Variants in TRAK1 observed in about 807,000 individuals in gnomAD.
The protein encoded by TRAK1 is trafficking kinesin-binding protein 1.
Under a neutral mutation model 92.1 loss-of-function variants are expected in TRAK1, and 33 were observed. That is an observed-to-expected ratio of 0.36 (90% CI 0.27 to 0.48). TRAK1 has a LOEUF of 0.48. Among genes scored for constraint, TRAK1 ranks in the 20% least tolerant of loss-of-function variants. The pLI, the probability that TRAK1 is intolerant of heterozygous loss-of-function variation, is 0.99. For synonymous variants in TRAK1, 521 were observed against 517.3 expected (o/e 1.01, Z -0.10); for missense variants, 1,123 against 1,257.9 (o/e 0.89, Z 1.62).
At chr3:42,212,270 TC>T in intron 14 of TRAK1, 1 of 985,402 alleles carries the variant, frequency 1.0e-6, no homozygotes, top group Non-Finnish European at 1.2e-6. Flanking sequence ...TAATCCGTCC[TC>T]TACGCTTGGG....
intron 1 of TRAK1, among the ~76,000 whole-genome samples, chr3:42,104,077 C>T (rs145740031): frequency 0.014 from 2,116 of 152,286 alleles, 44 homozygotes; most frequent in African/African-American, 0.048. Flanking sequence ...ACTGCTAGCA[C>T]AGCAGTCTGA....
chr3:42,156,873 G>A (rs1349922249), intron 2 of TRAK1, among the ~76,000 whole-genome samples: 2 of 152,172 alleles, frequency 1.3e-5, no homozygotes, highest in African/African-American at 4.8e-5. Flanking sequence ...ATGGGGGCCG[G>A]GTTCTGTGGC....
intron 1 of TRAK1, among the ~76,000 whole-genome samples, chr3:42,095,765 A>G (rs757279925): frequency 2.0e-5 from 3 of 152,016 alleles, no homozygotes; most frequent in Non-Finnish European, 4.4e-5. Flanking sequence ...TAATTAAACC[A>G]GGCTGTGGTC....
intron 2 of TRAK1, among the ~76,000 whole-genome samples, chr3:42,171,854 G>T (rs1702599452): frequency 1.3e-5 from 2 of 152,118 alleles, no homozygotes; most frequent in South Asian, 4.1e-4. Flanking sequence ...GATGCTGGAA[G>T]ATGGGTGCCA....
At chr3:42,156,248 C>T (rs1158213516) in intron 2 of TRAK1, among the ~76,000 whole-genome samples, 1 of 152,218 alleles carries the variant, frequency 6.6e-6, no homozygotes, top group Non-Finnish European at 1.5e-5. Context: ...TGCCCTTTGG[C>T]CCATCTCTGC....
At chr3:42,014,706 T>G (rs147249646) in intron 1 of TRAK1, among the ~76,000 whole-genome samples, 385 of 152,336 alleles carry the variant, frequency 2.5e-3, no homozygotes, top group African/African-American at 9.0e-3. Context: ...CCCCTTCCGC[T>G]TTAAGCTTGC....
intron 1 of TRAK1, among the ~76,000 whole-genome samples, chr3:42,055,994 TGTA>T (rs1703190838): frequency 6.6e-6 from 1 of 152,242 alleles, no homozygotes; most frequent in Non-Finnish European, 1.5e-5. Flanking sequence ...TCACCCATGT[TGTA>T]GTAGGTATCA....
At chr3:42,109,189 G>C (rs1708002224) in intron 1 of TRAK1, among the ~76,000 whole-genome samples, 1 of 152,294 alleles carries the variant, frequency 6.6e-6, no homozygotes, top group African/African-American at 2.4e-5. Flanking sequence ...GATTAAATGA[G>C]TTAATGGATG....
At chr3:42,219,664 C>G in intron 15 of TRAK1, 68 bp downstream of exon 15, 1 of 1,579,910 alleles carries the variant, frequency 6.3e-7, no homozygotes, top group Non-Finnish European at 8.7e-7. Context: ...CCCTGCAAGG[C>G]TTAATGTTGA....
intron 1 of TRAK1, among the ~76,000 whole-genome samples, chr3:42,036,791 C>T (rs1454564281): frequency 6.6e-6 from 1 of 152,144 alleles, no homozygotes; most frequent in Admixed American, 6.5e-5. Flanking sequence ...CGCTCTGTCA[C>T]CCAGCTGGAG....
At chr3:42,035,937 C>T (rs551266253) in intron 1 of TRAK1, among the ~76,000 whole-genome samples, 13 of 152,370 alleles carry the variant, frequency 8.5e-5, no homozygotes, top group African/African-American at 2.9e-4. Flanking sequence ...CTGGCAGCTC[C>T]AGCTTGTGCT....
intron 1 of TRAK1, among the ~76,000 whole-genome samples, chr3:42,073,628 G>A (rs757177378): frequency 7.2e-5 from 11 of 152,176 alleles, no homozygotes; most frequent in Non-Finnish European, 1.6e-4. Flanking sequence ...CCTGTGAGGC[G>A]GATAACGGCT....
chr3:42,102,580 G>A lies in TRAK1; in HGVS notation c.91+11020G>A, dbSNP rs370146520. ...ACACTCAGAGAGAGGCGTCCTGAAA[G>A]CAGGTTGCTGGTTCTCCCTTCACAG... On this transcript the variant is annotated intron_variant, in intron 1 of 15. Coordinates refer to ENST00000327628, the MANE Select transcript of TRAK1 (RefSeq NM_001042646.3). 5.9e-5 allele frequency among the ~76,000 whole-genome samples: 9 copies of A among 152,318 alleles called. No individual in the cohort carries two copies. In the South Asian group the frequency reaches 1.9e-3, roughly 32 times the overall value.
intron 2 of TRAK1, among the ~76,000 whole-genome samples, chr3:42,132,005 G>A (rs557920436): frequency 9.8e-4 from 148 of 151,494 alleles, no homozygotes; most frequent in African/African-American, 3.1e-3. Context: ...GGAGGTGGAC[G>A]TTGCAGTGAG....
intron 12 of TRAK1, among the ~76,000 whole-genome samples, chr3:42,201,899 C>CACAT (rs1707667993): frequency 6.7e-6 from 1 of 149,504 alleles, no homozygotes; most frequent in Non-Finnish European, 1.5e-5. Context: ...CACACACACA[C>CACAT]ACACACACAC....
In TRAK1 at chr3:42,053,537, C is replaced by G. The variant is rs373059004; in HGVS notation, c.-518-33567C>G. 2.4e-3 allele frequency among the ~76,000 whole-genome samples: 360 copies of G among 152,088 alleles called. 2 individuals carry two copies. Among genetic ancestry groups the G allele is most frequent in the African/African-American group, 7.9e-3 (328 of 41,482 alleles). ...GTATGGGCTTCTTTCCTCCTGGACC[C>G]TGGTGTAGGCTGGAGAAATCAGTAT... On this transcript the variant is annotated intron_variant, in intron 1 of 16. Transcript: ENST00000487159.
intron 1 of TRAK1, among the ~76,000 whole-genome samples, chr3:42,063,623 T>C (rs540529772): frequency 7.2e-5 from 11 of 151,752 alleles, no homozygotes; most frequent in Admixed American, 5.2e-4. Context: ...GAGACAGAGG[T>C]TGCAGTGAGC....
intron 2 of TRAK1, among the ~76,000 whole-genome samples, chr3:42,131,883 C>A (rs2149172039): frequency 6.8e-6 from 1 of 147,162 alleles, no homozygotes; most frequent in South Asian, 2.2e-4. Flanking sequence ...CATGATGAAA[C>A]CCCATCTCTA....
chr3:42,040,680 C>CTTTT (rs569797970), intron 1 of TRAK1, among the ~76,000 whole-genome samples: 4 of 142,960 alleles, frequency 2.8e-5, no homozygotes, highest in East Asian at 2.0e-4. Context: ...AGTACTACAC[C>CTTTT]TTTTTTTTTT....
Sources: gnomAD v4.1 joint callset for allele counts (sites outside exome capture counted in the v4.1 genomes callset) on GRCh38, gnomAD v4.1.1 for gene constraint, MANE v1.5 for transcripts, NCBI Gene and HGNC (gene_info 2026-07-23, HGNC 2026-07-21) for gene names.